The following COBL variants were observed in gnomAD, a reference collection of about 807,000 sequenced individuals.
The protein encoded by COBL is cordon-bleu WH2 repeat protein.
A neutral mutation model predicts 98.8 loss-of-function variants in COBL; 51 were observed. The ratio of observed to expected loss-of-function variants is 0.52; its 90% CI spans 0.41 to 0.65. The LOEUF (loss-of-function observed/expected upper bound fraction) is 0.65, where lower values mean the gene tolerates loss of function less well. COBL is among the 30% of genes least tolerant of loss of function. COBL has a pLI of 0.00. For synonymous variants in COBL, 634 were observed against 651.7 expected (o/e 0.97, Z 0.41); for missense variants, 1,617 against 1,617.5 (o/e 1.00, Z 0.01).
intron 10 of COBL, among the ~76,000 whole-genome samples, chr7:51,027,265 C>T (rs560708336): frequency 1.2e-4 from 18 of 152,332 alleles, no homozygotes; most frequent in Admixed American, 1.0e-3. Flanking sequence ...ATGGGCAAGG[C>T]GTGTCCTACA....
chr7:51,316,082 A>G (rs1803544334), intron 1 of COBL, among the ~76,000 whole-genome samples: 1 of 152,128 alleles, frequency 6.6e-6, no homozygotes, highest in Non-Finnish European at 1.5e-5. Flanking sequence ...GCGGCTGCGA[A>G]GCCGGGGAGC....
chr7:51,077,367 T>C (rs1174181723), intron 7 of COBL, among the ~76,000 whole-genome samples: 2 of 152,222 alleles, frequency 1.3e-5, no homozygotes, highest in African/African-American at 2.4e-5. Flanking sequence ...CATAGCTTAG[T>C]AGCCCTTCTC....
intron 10 of COBL, 144 bp downstream of exon 10, chr7:51,027,568 T>G (rs1787696921): frequency 1.4e-6 from 1 of 696,384 alleles, no homozygotes; most frequent in Middle Eastern, 4.1e-4. Flanking sequence ...ATGGGAATTC[T>G]AGTTAAAATG....
At chr7:51,257,587 A>G (rs1002900897) in intron 1 of COBL, among the ~76,000 whole-genome samples, 1 of 152,214 alleles carries the variant, frequency 6.6e-6, no homozygotes, top group Non-Finnish European at 1.5e-5. Context: ...TTTAGATTGA[A>G]TATGCTTTCA....
At chr7:51,204,854 A>T (rs919035495) in intron 2 of COBL, among the ~76,000 whole-genome samples, 3 of 152,164 alleles carry the variant, frequency 2.0e-5, no homozygotes, top group Admixed American at 1.3e-4. Context: ...CAGCCAAAAA[A>T]ATCAGTGGCA....
chr7:51,316,506 C>T (rs1803613503), intron 1 of COBL, 87 bp downstream of exon 1: 1 of 1,038,302 alleles, frequency 9.6e-7, no homozygotes, highest in East Asian at 3.6e-5. Context: ...AGAGAGGGCG[C>T]CCTGCCCGGG....
intron 5 of COBL, among the ~76,000 whole-genome samples, chr7:51,183,529 A>G (rs1200006261): frequency 6.6e-6 from 1 of 152,222 alleles, no homozygotes; most frequent in Non-Finnish European, 1.5e-5. Flanking sequence ...TGTATCCAAA[A>G]TATGACTCTG....
At chr7:51,098,220 G>GTTTTTTTTTT (rs1276606651) in intron 6 of COBL, among the ~76,000 whole-genome samples, 1 of 52,302 alleles carries the variant, frequency 1.9e-5, no homozygotes, top group African/African-American at 1.1e-4. Context: ...CCCAATAGCA[G>GTTTTTTTTTT]TTTCTTTTTT....
intron 1 of COBL, among the ~76,000 whole-genome samples, chr7:51,299,414 C>A (rs1368608370): frequency 6.6e-6 from 1 of 152,232 alleles, no homozygotes; most frequent in Non-Finnish European, 1.5e-5. Flanking sequence ...TACCTATCTT[C>A]TCCTATCTGT....
At chr7:51,064,936 G>A in intron 7 of COBL, 1 of 584,028 alleles carries the variant, frequency 1.7e-6, no homozygotes, top group East Asian at 2.8e-5. Context: ...TGTGGTGACG[G>A]GTTCATATTC....
At chr7:51,124,439 C>A (rs1798015159) in intron 6 of COBL, among the ~76,000 whole-genome samples, 1 of 152,118 alleles carries the variant, frequency 6.6e-6, no homozygotes, top group Non-Finnish European at 1.5e-5. Context: ...TGCCACTTAC[C>A]AAGAAAGAAT....
At chr7:51,102,593 G>C (rs949516874) in intron 6 of COBL, among the ~76,000 whole-genome samples, 6 of 152,100 alleles carry the variant, frequency 3.9e-5, no homozygotes, top group African/African-American at 1.2e-4. Context: ...ACATACATTA[G>C]GTTCACGTTA....
chr7:51,207,967 T>C (rs1791937370), intron 2 of COBL, among the ~76,000 whole-genome samples: 1 of 119,840 alleles, frequency 8.3e-6, no homozygotes, highest in African/African-American at 3.3e-5. Context: ...CTGGCCGCCA[T>C]CCCATCTAGG....
intron 5 of COBL, among the ~76,000 whole-genome samples, chr7:51,151,834 A>G (rs1785593423): frequency 6.6e-6 from 1 of 152,246 alleles, no homozygotes; most frequent in Admixed American, 6.5e-5. Context: ...TGCCTGGCTC[A>G]GGCTAGACAC....
At position 51,028,276 on chromosome 7, in the gene COBL, G is replaced by T; in HGVS notation, c.2820C>A (p.His940Gln). ...QWPCVTPPNN[H>Q]GEDLAVGAPP... Reference sequence around the variant, plus strand: ...GGGCTCCCACTGCCAAATCTTCCCCGTGGTTGTTGGGAGGAGTGACACAGG... The same window carrying T: ...GGGCTCCCACTGCCAAATCTTCCCCTTGGTTGTTGGGAGGAGTGACACAGG... Residue 940 changes from histidine (H) to glutamine (Q), a missense_variant, in exon 10 of 13, where the codon CAC becomes CAA. Transcript: ENST00000265136. 1 of 1,614,184 alleles carries T rather than the reference G, an allele frequency of 6.2e-7. No homozygotes were observed. The highest frequency in any genetic ancestry group is 8.5e-7 in the Non-Finnish European group (1 of 1,180,012).
chr7:51,158,254 T>C (rs1786391947), intron 5 of COBL, among the ~76,000 whole-genome samples: 2 of 152,370 alleles, frequency 1.3e-5, no homozygotes, highest in African/African-American at 2.4e-5. Flanking sequence ...TATTTTACTC[T>C]GTAATCTACT....
At chr7:51,056,475 GTC>G (rs1176559414) in intron 7 of COBL, among the ~76,000 whole-genome samples, 2 of 152,136 alleles carry the variant, frequency 1.3e-5, no homozygotes, top group Admixed American at 1.3e-4. Flanking sequence ...CCTGTCTGGT[GTC>G]TCTGCATCAG....
intron 2 of COBL, among the ~76,000 whole-genome samples, chr7:51,198,511 T>G (rs1790802948): frequency 6.6e-6 from 1 of 152,208 alleles, no homozygotes; most frequent in Admixed American, 6.5e-5. Flanking sequence ...GTGAAGTGTC[T>G]TATTGGGATT....
chr7:51,038,698 C>T (rs1475665040), intron 8 of COBL, among the ~76,000 whole-genome samples: 1 of 152,158 alleles, frequency 6.6e-6, no homozygotes, highest in Non-Finnish European at 1.5e-5. Flanking sequence ...ATGAGAAATC[C>T]TCATTTTCTT....
Sources: gnomAD v4.1 joint callset for allele counts (sites outside exome capture counted in the v4.1 genomes callset) on GRCh38, gnomAD v4.1.1 for gene constraint, MANE v1.5 for transcripts, NCBI Gene and HGNC (gene_info 2026-07-23, HGNC 2026-07-21) for gene names.